The following ZBTB38 variants were observed in gnomAD, a reference collection of about 807,000 sequenced individuals.
ZBTB38 encodes the protein zinc finger and BTB domain containing 38.
ZBTB38 carries 20 observed loss-of-function variants against 76.8 expected under a neutral mutation model. That is an observed-to-expected ratio of 0.26 (90% CI 0.18 to 0.38). The LOEUF (loss-of-function observed/expected upper bound fraction) is 0.38. Ranked by LOEUF, ZBTB38 falls within the 10% of genes least tolerant of loss-of-function variation. ZBTB38 has a pLI of 1.00. For missense variants in ZBTB38, 1,082 were observed against 1,482.3 expected, an observed-to-expected ratio of 0.73 and a Z score of 4.43; for synonymous variants, 504 against 544.2, an observed-to-expected ratio of 0.93 and a Z score of 1.03.
chr3:141,329,628 G>A (rs2148876600), intron 1 of ZBTB38, among the ~76,000 whole-genome samples: 1 of 152,358 alleles, frequency 6.6e-6, no homozygotes, highest in South Asian at 2.1e-4. Flanking sequence ...AAGGGACCCA[G>A]AGGTTAGGGA....
At chr3:141,431,341 A>AT (rs1553771300) in intron 5 of ZBTB38, among the ~76,000 whole-genome samples, 5,057 of 103,064 alleles carry the variant, frequency 0.049, 312 homozygotes, top group African/African-American at 0.15. Context: ...AAAAAAAAAA[A>AT]ATATATATAT....
chr3:141,329,684 A>C lies in ZBTB38; in HGVS notation c.-739+5228A>C, dbSNP rs373335415. On this transcript the variant is annotated intron_variant, in intron 1 of 7. Coordinates refer to the ZBTB38 transcript ENST00000509842. ...GGAAGGTTAATTTTCTCATCTTGTA[A>C]AATGGAAGTTTCCAGATACTGCATT... 3.9e-5 allele frequency among the ~76,000 whole-genome samples: 6 copies of C among 152,326 alleles called. No individual in the cohort carries two copies. The East Asian group carries it at 7.7e-4, about 20-fold the overall frequency.
At chr3:141,394,128 A>G (rs1413216306) in intron 4 of ZBTB38, 1 of 151,886 alleles carries the variant, frequency 6.6e-6, no homozygotes, top group Non-Finnish European at 1.5e-5. Flanking sequence ...CTTCTGCCTC[A>G]GCCTCCTGAG....
intron 1 of ZBTB38, among the ~76,000 whole-genome samples, chr3:141,330,062 A>C (rs536499069): frequency 6.6e-6 from 1 of 152,232 alleles, no homozygotes; most frequent in Admixed American, 6.5e-5. Flanking sequence ...ATATAAAATA[A>C]TGAAGGAGAG....
At chr3:141,349,131 C>A (rs543460582) in intron 1 of ZBTB38, among the ~76,000 whole-genome samples, 122 of 152,274 alleles carry the variant, frequency 8.0e-4, no homozygotes, top group Admixed American at 7.1e-3. Flanking sequence ...CCTCCTCTAC[C>A]TTTTCTCCCT....
upstream of ZBTB38, among the ~76,000 whole-genome samples, chr3:141,365,492 G>C (rs1327080301): frequency 6.6e-6 from 1 of 152,180 alleles, no homozygotes; most frequent in East Asian, 1.9e-4. Flanking sequence ...TCTCTCTCTT[G>C]TGATAACCCA....
Position 141,445,758 on chromosome 3 carries a change from G to A in ZBTB38, c.3370G>A (p.Gly1124Ser). Residue 1124 changes from glycine to serine, a missense_variant, in exon 6 of 6, where the codon GGC becomes AGC. Gly to Ser is a moderately conservative substitution (Grantham distance 56, BLOSUM62 0). Around this residue, in one of 8 missense-constraint regions of ZBTB38, gnomAD observed 69 missense variants for 148.2 expected, o/e 0.47. Transcript: ENST00000321464. The surrounding 1 kb of genome is among the most constrained non-coding windows in gnomAD (Gnocchi z 6.5). ...QRHIREHNGK[G>S]YACFQCPKIC... ...GCATATTCGGGAGCATAATGGGAAG[G>A]GCTATGCCTGCTTCCAGTGCCCCAA... 2 of 1,614,166 alleles carry A rather than the reference G, an allele frequency of 1.2e-6. No individual in the cohort carries two copies. Among genetic ancestry groups the A allele is most frequent in the South Asian group, 1.1e-5 (1 of 91,078 alleles).
chr3:141,336,961 C>T (rs1193430032), intron 1 of ZBTB38, among the ~76,000 whole-genome samples: 1 of 152,224 alleles, frequency 6.6e-6, no homozygotes, highest in Non-Finnish European at 1.5e-5. Flanking sequence ...TTAGCATCAT[C>T]TTGCTTGAGC....
intron 2 of ZBTB38, among the ~76,000 whole-genome samples, chr3:141,371,042 TTTC>T (rs1944496042): frequency 1.5e-5 from 2 of 134,790 alleles, no homozygotes; most frequent in African/African-American, 6.1e-5. Flanking sequence ...CTTTTCTTTC[TTTC>T]TTTTTTTTTT....
intron 5 of ZBTB38, among the ~76,000 whole-genome samples, chr3:141,430,076 T>G (rs748853884): frequency 6.6e-6 from 1 of 152,156 alleles, no homozygotes; most frequent in African/African-American, 2.4e-5. Flanking sequence ...TTTTGTTTTG[T>G]TTTTTTGAGA....
rs1944079093 is a variant in ZBTB38 at position 141,368,539 on chromosome 3, C to G, written c.-575C>G. On this transcript the variant is annotated 5_prime_UTR_variant, in exon 1 of 6. Transcript: ENST00000321464. ...TGGCACTCGCAGCTGCAGCAAATCTCAAAATAAAGAGGCAACGGCCTTTCT... is the reference window on the plus strand; with the variant it reads ...TGGCACTCGCAGCTGCAGCAAATCTGAAAATAAAGAGGCAACGGCCTTTCT... 6.6e-6 allele frequency: 1 copy of G among 152,268 alleles called. No individual in the cohort carries two copies. The highest frequency in any genetic ancestry group is 1.5e-5 in the Non-Finnish European group (1 of 68,096). 9.4% of individuals were successfully genotyped at this position (152,268 alleles called of 1,614,324 possible).
At chr3:141,396,970 A>G (rs928639099) in intron 4 of ZBTB38, among the ~76,000 whole-genome samples, 1 of 152,206 alleles carries the variant, frequency 6.6e-6, no homozygotes, top group African/African-American at 2.4e-5. Flanking sequence ...ATAATGGTCA[A>G]TGGGCACTGG....
chr3:141,355,948 G>A (rs1008866451), intron 1 of ZBTB38, among the ~76,000 whole-genome samples: 1 of 152,118 alleles, frequency 6.6e-6, no homozygotes, highest in Non-Finnish European at 1.5e-5. Flanking sequence ...AAAATTCAAA[G>A]CTAAGAAGAA....
intron 4 of ZBTB38, chr3:141,389,159 G>A (rs138273927): frequency 9.9e-5 from 15 of 152,256 alleles, no homozygotes; most frequent in African/African-American, 3.6e-4. Flanking sequence ...TGCTAAACCT[G>A]AAACCTCCCC....
chr3:141,363,041 C>G (rs1412838873), intron 1 of ZBTB38, among the ~76,000 whole-genome samples: 2 of 152,134 alleles, frequency 1.3e-5, no homozygotes, highest in Non-Finnish European at 2.9e-5. Context: ...TCTAAGTAAC[C>G]TTACATTACA....
At chr3:141,376,773 C>G (rs574598608) in intron 2 of ZBTB38, among the ~76,000 whole-genome samples, 2 of 152,148 alleles carry the variant, frequency 1.3e-5, no homozygotes, top group Non-Finnish European at 2.9e-5. Flanking sequence ...AAATCTCACC[C>G]ACAGGAGACA....
intron 1 of ZBTB38, among the ~76,000 whole-genome samples, chr3:141,349,863 A>T (rs1440451537): frequency 6.6e-6 from 1 of 152,212 alleles, no homozygotes; most frequent in African/African-American, 2.4e-5. Flanking sequence ...ATTTGATGAG[A>T]TATTGCATCA....
chr3:141,427,369 G>T (rs1235157437), intron 5 of ZBTB38, among the ~76,000 whole-genome samples: 2 of 152,198 alleles, frequency 1.3e-5, no homozygotes, highest in South Asian at 2.1e-4. Context: ...CAGATGGGAG[G>T]AGAGAAGTGG....
intron 5 of ZBTB38, among the ~76,000 whole-genome samples, chr3:141,407,301 C>G (rs1954886117): frequency 6.6e-6 from 1 of 152,192 alleles, no homozygotes; most frequent in Non-Finnish European, 1.5e-5. Flanking sequence ...AGTTTCACAA[C>G]CTAGCTGGGC....
Sources: gnomAD v4.1 joint callset for allele counts (sites outside exome capture counted in the v4.1 genomes callset) on GRCh38, gnomAD v4.1.1 for gene constraint, gnomAD v4.1.1 regional missense constraint, Gnocchi (gnomAD v3.1) non-coding constraint, MANE v1.5 for transcripts, NCBI Gene and HGNC (gene_info 2026-07-23, HGNC 2026-07-21) for gene names.